Variants in RYR3 observed in about 807,000 individuals in gnomAD.
RYR3 encodes brain ryanodine receptor-calcium release channel.
Under a neutral mutation model 584.3 loss-of-function variants are expected in RYR3, and 207 were observed. The observed-to-expected ratio is 0.35, with a 90% confidence interval of 0.32 to 0.40. RYR3 has a LOEUF of 0.40. Among genes scored for constraint, RYR3 ranks in the 10% least tolerant of loss-of-function variants. RYR3 has a pLI of 1.00. For synonymous variants in RYR3, 2,416 were observed against 2,248.5 expected, an observed-to-expected ratio of 1.07 and a Z score of -2.11; for missense variants, 5,616 against 6,089.2, an observed-to-expected ratio of 0.92 and a Z score of 2.59.
chr15:33,759,576 G>A (rs139078696), intron 60 of RYR3, among the ~76,000 whole-genome samples: 9 of 152,194 alleles, frequency 5.9e-5, no homozygotes, highest in African/African-American at 2.2e-4. Flanking sequence ...ATGAAATAAA[G>A]CATAAGGACA....
Position 33,631,311 on chromosome 15 carries a change from T to C in RYR3, c.2867+18T>C. ...CCCAAAAAGTAGGTGATTTTTTTTT[T>C]AATGGTTCAAGACTTTAATGCTTCA... is the stretch of plus-strand genomic sequence containing the variant. On this transcript the variant is annotated intron_variant, in intron 23 of 103. Transcript: ENST00000634891. 6.7e-7 allele frequency: 1 copy of C among 1,502,712 alleles called. No homozygotes were observed. Among genetic ancestry groups the C allele is most frequent in the South Asian group, 1.2e-5 (1 of 83,090 alleles). The allele number at this position is 1,502,712 out of a possible 1,614,324, so 93.1% of individuals were successfully genotyped here. A position where few individuals can be genotyped will look rare whatever the true frequency, so the allele number is the denominator to read the frequency against.
intron 57 of RYR3, among the ~76,000 whole-genome samples, chr15:33,754,164 T>C (rs1228519382): frequency 6.6e-6 from 1 of 152,014 alleles, no homozygotes; most frequent in African/African-American, 2.4e-5. Flanking sequence ...ATACCCAGAA[T>C]TTGACCACTT....
chr15:33,539,601 T>C, intron 6 of RYR3, 139 bp downstream of exon 6: 2 of 532,378 alleles, frequency 3.8e-6, no homozygotes, highest in East Asian at 6.0e-5. Context: ...TTAAACAATG[T>C]AGGGGTTAGG....
intron 94 of RYR3, chr15:33,850,343 C>G (rs552417069): frequency 2.0e-5 from 3 of 151,682 alleles, no homozygotes; most frequent in South Asian, 4.2e-4. Context: ...GATCACACCA[C>G]TGCGCTCCAG....
chr15:33,564,213 G>A (rs2057571410), intron 11 of RYR3, among the ~76,000 whole-genome samples: 1 of 152,210 alleles, frequency 6.6e-6, no homozygotes, highest in Non-Finnish European at 1.5e-5. Flanking sequence ...AGAGTCCAGA[G>A]TAGAGAGAAC....
intron 23 of RYR3, 60 bp from the exon 24 acceptor site, chr15:33,632,889 T>C (rs2061335986): frequency 6.7e-7 from 1 of 1,483,392 alleles, no homozygotes; most frequent in Admixed American, 1.8e-5. Flanking sequence ...TGGTCTAAAA[T>C]CCGGAATGAG....
chr15:33,321,055 C>T (rs1373652718), intron 1 of RYR3, among the ~76,000 whole-genome samples: 1 of 152,184 alleles, frequency 6.6e-6, no homozygotes, highest in Non-Finnish European at 1.5e-5. Context: ...TTTGCAAAGC[C>T]TCTTGATGCA....
At chr15:33,678,731 A>G (rs115243718) in intron 38 of RYR3, among the ~76,000 whole-genome samples, 146 of 152,352 alleles carry the variant, frequency 9.6e-4, no homozygotes, top group African/African-American at 3.5e-3. Flanking sequence ...GGCCAGCCCT[A>G]TACCATCACG....
rs150985910 is a variant in RYR3, at chr15:33,865,417, G to A, written c.*191G>A. 164 of 530,450 alleles carry A rather than the reference G, an allele frequency of 3.1e-4. No homozygotes were observed. Among genetic ancestry groups the A allele is most frequent in the East Asian group, 1.9e-3 (63 of 33,828 alleles). The allele number at this position is 530,450 out of a possible 1,614,324, so 32.9% of individuals were successfully genotyped here. On this transcript the variant is annotated 3_prime_UTR_variant, in exon 104 of 104. Transcript: ENST00000634891. ...TGTGCCTAATGGACATACACTGTGG[G>A]AGAGAACCTGTCAAAATGTCGAAGA...
Position 33,628,452 on chromosome 15 carries a change from C to T in RYR3, c.2575-19C>T. 3 of 1,531,352 alleles carry T rather than the reference C, an allele frequency of 2.0e-6. No individual in the cohort carries two copies. The highest frequency in any genetic ancestry group is 2.7e-6 in the Non-Finnish European group (3 of 1,104,956). The allele number at this position is 1,531,352 out of a possible 1,614,324, so 94.9% of individuals were successfully genotyped here. On this transcript the variant is annotated intron_variant, in intron 20 of 103. Coordinates refer to ENST00000634891, the MANE Select transcript of RYR3 (RefSeq NM_001036.6). ...GTTTCAAAACAATCGATTCTTTTCA[C>T]TTGCTCCTTTTCCTTTAGGTTATTT...
intron 3 of RYR3, among the ~76,000 whole-genome samples, chr15:33,513,107 T>G (rs896209157): frequency 2.1e-4 from 32 of 152,240 alleles, no homozygotes; most frequent in Admixed American, 2.0e-3. Context: ...TAAAGCACAT[T>G]TGCAGTTTTT....
In RYR3 at chr15:33,635,628, G is replaced by C. The variant is rs755564302; in HGVS notation, c.3190G>C (p.Glu1064Gln). 6.2e-6 allele frequency: 10 copies of C among 1,613,608 alleles called. No individual in the cohort carries two copies. The highest frequency in any genetic ancestry group is 7.6e-6 in the Non-Finnish European group (9 of 1,179,790). The stretch of plus-strand genomic sequence containing the variant: ...TCTCACAATAGCTGACTCGGCTGTG[G>C]AGAAGGTCAGCATAGACAAGATCCG... Reference protein sequence around the residue: ...SDQELADSAVEKVSIDKIRFF... With the variant: ...SDQELADSAVQKVSIDKIRFF... Residue 1064 changes from glutamate (E) to glutamine (Q), a missense_variant, in exon 26 of 104, where the codon GAG becomes CAG. By Grantham distance (29) the Glu-to-Gln change is conservative. Around this residue, in one of 9 missense-constraint regions of RYR3, gnomAD observed 1,284 missense variants for 1,344.6 expected, o/e 0.95. Transcript: ENST00000634891.
chr15:33,794,815 T>C (rs1160136620), intron 67 of RYR3, among the ~76,000 whole-genome samples: 2 of 152,172 alleles, frequency 1.3e-5, no homozygotes, highest in African/African-American at 2.4e-5. Context: ...CTTTGAATTA[T>C]GGAATTGTGG....
At chr15:33,562,732 C>G (rs2057476170) in intron 10 of RYR3, 105 bp from the exon 11 acceptor site, 1 of 743,386 alleles carries the variant, frequency 1.3e-6, no homozygotes, top group East Asian at 2.8e-5. Context: ...ATTTTGGTAA[C>G]CAGTTGCCTG....
At position 33,859,739 on chromosome 15, in the gene RYR3, T is replaced by TAAA; in HGVS notation, c.14299+8_14299+9insAAA. The TAAA allele has an allele frequency of 1.2e-6, 2 of 1,602,128 alleles. No individual in the cohort carries two copies. The highest frequency in any genetic ancestry group is 1.7e-6 in the Non-Finnish European group (2 of 1,173,290). ...TGCTGGCCATCATTCAAGGTATGAT[T>TAAA]GCCAATTGTGTTGAGTATGAACAGG... On this transcript the variant is annotated intron_variant, in intron 100 of 103. Coordinates refer to ENST00000634891, the MANE Select transcript of RYR3 (RefSeq NM_001036.6).
chr15:33,530,808 T>C, intron 4 of RYR3, 142 bp downstream of exon 4: 1 of 665,714 alleles, frequency 1.5e-6, no homozygotes, highest in East Asian at 2.7e-5. Flanking sequence ...CTCTTGGCAT[T>C]TCCTACATAT....
chr15:33,464,490 A>ATATAGATATATATATATATATAT (rs1567295722), intron 1 of RYR3, among the ~76,000 whole-genome samples: 1 of 58,880 alleles, frequency 1.7e-5, no homozygotes, highest in Non-Finnish European at 2.9e-5. Flanking sequence ...ATATATATAT[A>ATATAGATATATATATATATATAT]CACATATATA....
intron 2 of RYR3, among the ~76,000 whole-genome samples, chr15:33,492,623 T>C (rs943683782): frequency 5.9e-5 from 9 of 152,218 alleles, no homozygotes; most frequent in Admixed American, 5.9e-4. Flanking sequence ...CTGAGCTTTG[T>C]GTTCACTTCC....
chr15:33,834,291 C>CACAG, intron 86 of RYR3, among the ~76,000 whole-genome samples: 1 of 139,188 alleles, frequency 7.2e-6, no homozygotes, highest in South Asian at 2.3e-4. Context: ...CTTAAACACA[C>CACAG]ACACACACAC....
Sources: allele counts gnomAD v4.1 joint callset (sites outside exome capture counted in the v4.1 genomes callset), GRCh38; gene constraint gnomAD v4.1.1; regional missense constraint gnomAD v4.1.1; transcripts MANE v1.5; gene names NCBI Gene and HGNC (gene_info 2026-07-23, HGNC 2026-07-21).